The following EPHA6 variants were observed in gnomAD, a reference collection of about 807,000 sequenced individuals.
EPHA6 encodes EPH receptor A6.
Under a neutral mutation model 112.0 loss-of-function variants are expected in EPHA6, and 50 were observed. The ratio of observed to expected loss-of-function variants is 0.45; its 90% CI spans 0.36 to 0.56. The LOEUF (loss-of-function observed/expected upper bound fraction) is 0.56, where lower values mean the gene tolerates loss of function less well. Ranked by LOEUF, EPHA6 falls within the 20% of genes least tolerant of loss-of-function variation. EPHA6 has a pLI of 0.00. For synonymous variants in EPHA6, 529 were observed against 490.7 expected, an observed-to-expected ratio of 1.08 and a Z score of -1.03; for missense variants, 1,280 against 1,417.4, an observed-to-expected ratio of 0.90 and a Z score of 1.56.
Position 96,964,480 on chromosome 3 carries a change from G to A in EPHA6, c.451-22850G>A, listed in dbSNP as rs184200374. Among the ~76,000 whole-genome samples, 141 of 152,266 alleles carry A rather than the reference G, an allele frequency of 9.3e-4. 4 individuals carry two copies. Among genetic ancestry groups the A allele is most frequent in the Non-Finnish European group, 2.9e-4 (20 of 68,018 alleles). On this transcript the variant is annotated intron_variant, in intron 2 of 17. Transcript: ENST00000389672. Reference sequence around the variant, plus strand: ...AAACAATGTGAATTGTTTTGTGACTGTGTTGTTTTGGTTTTTATAGATAAC... The same window carrying A: ...AAACAATGTGAATTGTTTTGTGACTATGTTGTTTTGGTTTTTATAGATAAC...
chr3:97,591,526 CTTACA>C (rs1318704970), intron 11 of EPHA6, among the ~76,000 whole-genome samples: 3 of 151,746 alleles, frequency 2.0e-5, no homozygotes, highest in Non-Finnish European at 4.4e-5. Context: ...AAATACAGTC[CTTACA>C]ATCATCAGTG....
intron 13 of EPHA6, among the ~76,000 whole-genome samples, chr3:97,633,538 C>T (rs1017310997): frequency 2.0e-5 from 3 of 151,984 alleles, no homozygotes; most frequent in East Asian, 1.9e-4. Context: ...TAATATTTAT[C>T]GAGTGCTAAC....
intron 5 of EPHA6, among the ~76,000 whole-genome samples, chr3:97,306,833 A>G (rs1308560353): frequency 6.6e-6 from 1 of 151,784 alleles, no homozygotes; most frequent in Non-Finnish European, 1.5e-5. Flanking sequence ...CAGTTATGTA[A>G]AAAAAATTTT....
At chr3:97,625,315 G>C (rs1307284935) in intron 13 of EPHA6, among the ~76,000 whole-genome samples, 1 of 151,608 alleles carries the variant, frequency 6.6e-6, no homozygotes, top group African/African-American at 2.4e-5. Context: ...GGTTGTCTAA[G>C]AGTTTATTGT....
At chr3:97,172,002 T>C (rs994448986) in intron 3 of EPHA6, among the ~76,000 whole-genome samples, 1 of 152,062 alleles carries the variant, frequency 6.6e-6, no homozygotes, top group Non-Finnish European at 1.5e-5. Context: ...GGTAGAGTAT[T>C]GAGAAAGGCA....
chr3:96,932,253 A>T (rs2107659544), intron 2 of EPHA6, among the ~76,000 whole-genome samples: 1 of 152,238 alleles, frequency 6.6e-6, no homozygotes, highest in South Asian at 2.1e-4. Flanking sequence ...CACCCCTTTC[A>T]TTCCTCTATG....
At chr3:97,704,099 A>C (rs1328014769) in intron 14 of EPHA6, among the ~76,000 whole-genome samples, 4 of 152,204 alleles carry the variant, frequency 2.6e-5, no homozygotes, top group Non-Finnish European at 5.9e-5. Context: ...TGGCATTATT[A>C]ATTTTAAATA....
At chr3:97,102,129 A>G (rs530803623) in intron 3 of EPHA6, among the ~76,000 whole-genome samples, 4 of 152,184 alleles carry the variant, frequency 2.6e-5, no homozygotes, top group South Asian at 2.1e-4. Context: ...GAGCCGCCAT[A>G]TAAGAAACAC....
intron 3 of EPHA6, among the ~76,000 whole-genome samples, chr3:96,995,186 G>A (rs2043375649): frequency 6.6e-6 from 1 of 152,024 alleles, no homozygotes; most frequent in Non-Finnish European, 1.5e-5. Context: ...TTTATGCTGT[G>A]TGTTTATGAT....
intron 13 of EPHA6, among the ~76,000 whole-genome samples, chr3:97,628,002 T>C (rs187923519): frequency 8.5e-5 from 13 of 152,062 alleles, no homozygotes; most frequent in Non-Finnish European, 1.3e-4. Flanking sequence ...TTGACTCTTC[T>C]CTGAGTAATA....
At chr3:97,719,163 T>C (rs557837802) in intron 14 of EPHA6, among the ~76,000 whole-genome samples, 15 of 140,514 alleles carry the variant, frequency 1.1e-4, no homozygotes, top group African/African-American at 3.5e-4. Context: ...TTTAAAGATA[T>C]TTAACTTAAA....
At chr3:96,880,943 T>C (rs909976501) in intron 2 of EPHA6, among the ~76,000 whole-genome samples, 12 of 152,314 alleles carry the variant, frequency 7.9e-5, no homozygotes, top group Admixed American at 6.5e-4. Flanking sequence ...CATTTGGGCT[T>C]TGTGCACATT....
intron 2 of EPHA6, among the ~76,000 whole-genome samples, chr3:96,913,638 C>T (rs1376615325): frequency 6.6e-6 from 1 of 151,960 alleles, no homozygotes; most frequent in Non-Finnish European, 1.5e-5. Context: ...CTGATTCTAC[C>T]ACCTGCATCA....
At chr3:97,401,388 C>A (rs2086982381) in intron 5 of EPHA6, among the ~76,000 whole-genome samples, 1 of 151,738 alleles carries the variant, frequency 6.6e-6, no homozygotes, top group Non-Finnish European at 1.5e-5. Context: ...TTTTCTATTT[C>A]TTCACTGTAC....
intron 5 of EPHA6, among the ~76,000 whole-genome samples, chr3:97,286,857 C>A (rs2080482704): frequency 6.6e-6 from 1 of 151,482 alleles, no homozygotes; most frequent in Admixed American, 6.6e-5. Context: ...AAAATTAATT[C>A]TTCCAATCCA....
chr3:97,498,330 C>CAAA (rs1297962805), intron 10 of EPHA6, among the ~76,000 whole-genome samples: 3 of 58,494 alleles, frequency 5.1e-5, no homozygotes, highest in Admixed American at 1.9e-4. Context: ...AAGAAAATAG[C>CAAA]AAAAAAAAAA....
chr3:97,053,654 A>G (rs1157507442), intron 3 of EPHA6, among the ~76,000 whole-genome samples: 1 of 152,098 alleles, frequency 6.6e-6, no homozygotes, highest in Non-Finnish European at 1.5e-5. Context: ...GTCCTATACA[A>G]CTTGCATTTG....
intron 3 of EPHA6, among the ~76,000 whole-genome samples, chr3:97,196,484 G>T (rs2077445156): frequency 6.6e-6 from 1 of 151,894 alleles, no homozygotes; most frequent in African/African-American, 2.4e-5. Context: ...TTGATCACTG[G>T]TGCCTTATTT....
At chr3:97,124,559 A>C (rs954734265) in intron 3 of EPHA6, among the ~76,000 whole-genome samples, 2 of 152,096 alleles carry the variant, frequency 1.3e-5, no homozygotes, top group Non-Finnish European at 2.9e-5. Context: ...TCTTGCTTTC[A>C]CCACTTCCTC....
Sources: gnomAD v4.1 joint callset for allele counts (sites outside exome capture counted in the v4.1 genomes callset) on GRCh38, gnomAD v4.1.1 for gene constraint, MANE v1.5 for transcripts, NCBI Gene and HGNC (gene_info 2026-07-23, HGNC 2026-07-21) for gene names.